Variants in KATNAL2 observed in about 807,000 individuals in gnomAD.
KATNAL2 encodes the protein katanin p60 ATPase-containing subunit A-like 2.
In KATNAL2, 52 loss-of-function variants were observed where a neutral mutation model predicts 76.3. The ratio of observed to expected loss-of-function variants is 0.68; its 90% confidence interval spans 0.55 to 0.86. The LOEUF (loss-of-function observed/expected upper bound fraction) is 0.86, where lower values mean the gene tolerates loss of function less well. Ranked by LOEUF, KATNAL2 falls within the 40% of genes least tolerant of loss-of-function variation. KATNAL2 has a pLI of 0.00. For missense variants in KATNAL2, 660 were observed against 668.9 expected (o/e 0.99, Z 0.15); for synonymous variants, 243 against 244.2 (o/e 1.00, Z 0.05).
In KATNAL2 at chr18:47,092,782, C is replaced by CT. The variant is rs550817639; in HGVS notation, c.1212-6460dup. On this transcript the variant is annotated intron_variant, in intron 15 of 17. Transcript: ENST00000683218. Reference sequence around the variant, plus strand: ...TCCTTCACTCTATGCGTCACAGCCTCTGTTTCTTGAATCCCTTATAGTCCT... The same window carrying CT: ...TCCTTCACTCTATGCGTCACAGCCTCTTGTTTCTTGAATCCCTTATAGTCCT... Among the ~76,000 whole-genome samples, 117 of 152,354 alleles carry CT rather than the reference C, an allele frequency of 7.7e-4. 1 individual carries two copies. The highest frequency in any genetic ancestry group is 2.7e-3 in the African/African-American group (114 of 41,584).
chr18:46,955,294 G>T (rs912851472), intron 3 of KATNAL2, among the ~76,000 whole-genome samples: 1 of 148,672 alleles, frequency 6.7e-6, no homozygotes, highest in Admixed American at 6.7e-5. Context: ...TCAGCTCACC[G>T]CAACTTCTGC....
intron 15 of KATNAL2, chr18:47,084,508 A>G (rs7504798): frequency 0.41 from 271,365 of 657,694 alleles, 58,156 homozygotes; most frequent in Middle Eastern, 0.48. Flanking sequence ...ACCAAGTTAA[A>G]GACAGTTCAA....
At chr18:47,050,080 G>A (rs115047498) in intron 4 of KATNAL2, among the ~76,000 whole-genome samples, 5 of 152,128 alleles carry the variant, frequency 3.3e-5, no homozygotes, top group East Asian at 1.9e-4. Context: ...AGATTTATCT[G>A]TTGCCCAGGC....
intron 1 of KATNAL2, among the ~76,000 whole-genome samples, chr18:46,934,601 C>T (rs888761335): frequency 5.3e-5 from 8 of 152,146 alleles, no homozygotes; most frequent in Non-Finnish European, 1.2e-4. Flanking sequence ...TGTAGGTTGC[C>T]TGTTCACTCT....
At chr18:46,935,410 A>T (rs779497669) in intron 1 of KATNAL2, among the ~76,000 whole-genome samples, 4 of 152,076 alleles carry the variant, frequency 2.6e-5, no homozygotes, top group Non-Finnish European at 4.4e-5. Flanking sequence ...CAGCCAGCAC[A>T]GTTATTTTAA....
At chr18:47,050,452 G>GAA (rs2061308371) in intron 4 of KATNAL2, among the ~76,000 whole-genome samples, 1 of 152,070 alleles carries the variant, frequency 6.6e-6, no homozygotes, top group South Asian at 2.1e-4. Flanking sequence ...TGTATTTTTT[G>GAA]TTCCAGAAAT....
At chr18:47,045,471 G>T (rs1478676778) in intron 3 of KATNAL2, among the ~76,000 whole-genome samples, 1 of 151,822 alleles carries the variant, frequency 6.6e-6, no homozygotes, top group Non-Finnish European at 1.5e-5. Context: ...GATTACAGGT[G>T]CCTGCCACCA....
intron 15 of KATNAL2, among the ~76,000 whole-genome samples, chr18:47,081,386 T>G (rs1470026846): frequency 6.6e-6 from 1 of 152,230 alleles, no homozygotes; most frequent in Non-Finnish European, 1.5e-5. Flanking sequence ...ATAACATGTT[T>G]TATTTAACAC....
At chr18:46,935,002 A>C (rs2059045306) in intron 1 of KATNAL2, among the ~76,000 whole-genome samples, 1 of 152,190 alleles carries the variant, frequency 6.6e-6, no homozygotes, top group South Asian at 2.1e-4. Flanking sequence ...TAATTTGCTC[A>C]AAAAATGACC....
At chr18:47,050,035 G>A (rs77301896) in intron 4 of KATNAL2, among the ~76,000 whole-genome samples, 231 of 152,174 alleles carry the variant, frequency 1.5e-3, no homozygotes, top group Non-Finnish European at 2.5e-3. Flanking sequence ...GCTACTTTTT[G>A]TTTCGTTGTT....
intron 15 of KATNAL2, among the ~76,000 whole-genome samples, chr18:47,086,595 G>T (rs528920212): frequency 6.6e-6 from 1 of 152,168 alleles, no homozygotes. Context: ...GATTACAGGC[G>T]TGAGCCACTG....
chr18:46,946,686 C>T, intron 2 of KATNAL2, 140 bp downstream of exon 2: 1 of 1,045,216 alleles, frequency 9.6e-7, no homozygotes, highest in Non-Finnish European at 1.3e-6. Flanking sequence ...CTGGATTAAA[C>T]ATGCATGGTC....
intron 1 of KATNAL2, among the ~76,000 whole-genome samples, chr18:46,944,621 G>C (rs1408306039): frequency 6.6e-6 from 1 of 152,190 alleles, no homozygotes; most frequent in Non-Finnish European, 1.5e-5. Context: ...TGTAATCCCA[G>C]CTACTCAGGA....
intron 15 of KATNAL2, among the ~76,000 whole-genome samples, chr18:47,079,390 CTCT>C (rs1486660583): frequency 7.9e-5 from 12 of 151,586 alleles, no homozygotes; most frequent in Admixed American, 7.9e-4. Context: ...AACAGACGGC[CTCT>C]TTTTTTTCTT....
intron 3 of KATNAL2, among the ~76,000 whole-genome samples, chr18:46,959,441 A>G (rs114807037): frequency 0.031 from 4,695 of 152,276 alleles, 206 homozygotes; most frequent in African/African-American, 0.1. Flanking sequence ...CTAATGCCAC[A>G]TTAGTACTCT....
At position 47,097,320 on chromosome 18, in the gene KATNAL2, G is replaced by C. The variant is rs148006461; in HGVS notation, c.1212-1923G>C. ...GAATACTTACTACTTGCTGAGAGAA[G>C]ATGTTTTTCTTTACAACGGAGAGTT... On this transcript the variant is annotated intron_variant, in intron 15 of 17. Transcript: ENST00000683218. Among the ~76,000 whole-genome samples the C allele has an allele frequency of 2.0e-3, 299 of 152,232 alleles. 1 individual carries two copies. The highest frequency in any genetic ancestry group is 6.8e-3 in the African/African-American group (281 of 41,538).
intron 3 of KATNAL2, chr18:47,033,421 G>C: frequency 6.2e-7 from 1 of 1,613,522 alleles, no homozygotes; most frequent in Non-Finnish European, 8.5e-7. Flanking sequence ...CCGCTGCTCT[G>C]GGGCGTCCGG....
rs1599897633 is a variant in KATNAL2, at chr18:47,099,152, T to G, written c.1212-91T>G. On this transcript the variant is annotated intron_variant, in intron 15 of 17. Coordinates refer to ENST00000683218, the MANE Select transcript of KATNAL2 (RefSeq NM_001387690.1). ...GTGACAGTTAAAATGCAGAATTGCT[T>G]CCTGCAATGCTAAATTGTTCTTAAA... The G allele has an allele frequency of 2.9e-5, 38 of 1,302,464 alleles. No homozygotes were observed. In the East Asian group the frequency reaches 9.0e-4, roughly 31 times the overall value. The allele number at this position is 1,302,464 out of a possible 1,614,324, so 80.7% of individuals were successfully genotyped here.
Position 46,917,618 on chromosome 18 carries a change from G to A in KATNAL2, c.-818G>A, listed in dbSNP as rs2058140856. The A allele has an allele frequency of 1.1e-6, 1 of 920,982 alleles. No individual in the cohort carries two copies. The allele number at this position is 920,982 out of a possible 1,614,324, so 57.1% of individuals were successfully genotyped here. A position where few individuals can be genotyped will look rare whatever the true frequency, so the allele number is the denominator to read the frequency against. On this transcript the variant is annotated 5_prime_UTR_variant, in exon 1 of 18. Coordinates refer to ENST00000683218, the MANE Select transcript of KATNAL2 (RefSeq NM_001387690.1). ...CGCGCCTTCAGTCCGCGCGGCGACA[G>A]CGCCCGCCCGCGCCTGCCCCGGCGT...
Sources: allele counts gnomAD v4.1 joint callset (sites outside exome capture counted in the v4.1 genomes callset), GRCh38; gene constraint gnomAD v4.1.1; transcripts MANE v1.5; gene names NCBI Gene and HGNC (gene_info 2026-07-23, HGNC 2026-07-21).